NUP153: variants seen among roughly 807,000 people sequenced by gnomAD.
NUP153 encodes the protein nucleoporin 153.
In NUP153, 27 loss-of-function variants were observed where a neutral mutation model predicts 134.6. The observed-to-expected ratio is 0.20, with a 90% CI of 0.15 to 0.28. NUP153 has a LOEUF of 0.28. Ranked by LOEUF, NUP153 falls within the 10% of genes least tolerant of loss-of-function variation. NUP153 has a pLI of 1.00. For synonymous variants in NUP153, 640 were observed against 623.5 expected (o/e 1.03, Z -0.40); for missense variants, 1,821 against 1,731.3 (o/e 1.05, Z -0.92).
chr6:17,675,546 A>T lies in NUP153; in HGVS notation c.559T>A (p.Phe187Ile). 6.2e-7 allele frequency: 1 copy of T among 1,608,156 alleles called. No individual in the cohort carries two copies. Among genetic ancestry groups the T allele is most frequent in the Non-Finnish European group, 8.5e-7 (1 of 1,174,538 alleles). Residue 187 changes from phenylalanine (F) to isoleucine (I), a missense_variant, in exon 3 of 22, where the codon TTT (phenylalanine) becomes ATT (isoleucine). Physicochemically the swap from Phe to Ile is conservative, Grantham distance 21 (BLOSUM62 0). Transcript: ENST00000262077. This position sits in a 1 kb window ranked among gnomAD's most constrained non-coding sequence, Gnocchi z 4.4. ...CCTTTATCAGAAGCTCTTGAAGAAA[A>T]ACCACTGGTAGTTGAGATGTTATCA... is the stretch of plus-strand genomic sequence containing the variant. ...DDDNISTTSG[F>I]SSRASDKDIT... is the part of the protein sequence containing the mutation.
At chr6:17,633,461 T>C (rs558702106) in intron 16 of NUP153, among the ~76,000 whole-genome samples, 1 of 152,308 alleles carries the variant, frequency 6.6e-6, no homozygotes. Context: ...TTAAGCATCA[T>C]AATATACTTG....
chr6:17,638,252 T>C lies in NUP153; in HGVS notation c.1847-482A>G, dbSNP rs1296407091. Among the ~76,000 whole-genome samples the C allele has an allele frequency of 6.6e-6, 1 of 152,226 alleles. No homozygotes were observed. The highest frequency in any genetic ancestry group is 1.5e-5 in the Non-Finnish European group (1 of 68,046). On this transcript the variant is annotated intron_variant, in intron 15 of 21. Coordinates refer to ENST00000262077, the MANE Select transcript of NUP153 (RefSeq NM_005124.4). The surrounding 1 kb of genome is among the most constrained non-coding windows in gnomAD (Gnocchi z 4.0). ...ATTCTCTACCTTCAGTAAAATCAGC[T>C]GAGCAAGTCCTTCTGTTACCAAAAC...
intron 2 of NUP153, among the ~76,000 whole-genome samples, chr6:17,677,142 A>AG (rs1361750578): frequency 6.6e-6 from 1 of 152,222 alleles, no homozygotes; most frequent in Admixed American, 6.5e-5. Flanking sequence ...AAAAAGCCAC[A>AG]GGGGAGACAG....
intron 1 of NUP153, among the ~76,000 whole-genome samples, chr6:17,695,213 A>G (rs1769560525): frequency 6.6e-6 from 1 of 152,230 alleles, no homozygotes; most frequent in Non-Finnish European, 1.5e-5. Context: ...TGTAGTTTAT[A>G]TATCTAGTCA....
At chr6:17,699,646 A>C (rs1481423445) in intron 1 of NUP153, among the ~76,000 whole-genome samples, 2 of 151,604 alleles carry the variant, frequency 1.3e-5, no homozygotes, top group Non-Finnish European at 2.9e-5. Context: ...AGACCACCAC[A>C]CCAACATGGT....
chr6:17,616,432 C>G, intron 21 of NUP153, 95 bp downstream of exon 21: 1 of 1,103,734 alleles, frequency 9.1e-7, no homozygotes, highest in Non-Finnish European at 1.3e-6. Flanking sequence ...TTTACCCAAA[C>G]CATACGGAAT....
rs1329250808 is a variant in NUP153 at position 17,628,406 on chromosome 6, T to G, written c.3544+249A>C. 6.6e-6 allele frequency among the ~76,000 whole-genome samples: 1 copy of G among 152,182 alleles called. No homozygotes were observed. Among genetic ancestry groups the G allele is most frequent in the Non-Finnish European group, 1.5e-5 (1 of 68,032 alleles). On this transcript the variant is annotated intron_variant, in intron 18 of 21. Transcript: ENST00000262077. The surrounding 1 kb of genome is among the most constrained non-coding windows in gnomAD (Gnocchi z 5.4). ...GAGAAAGACACACATAAATATGCACTATATTGAGCTTTGCATTACTGCTGT... is the reference window on the plus strand; with the variant it reads ...GAGAAAGACACACATAAATATGCACGATATTGAGCTTTGCATTACTGCTGT...
chr6:17,619,397 G>A (rs957541927), intron 20 of NUP153: 1 of 152,012 alleles, frequency 6.6e-6, no homozygotes, highest in Admixed American at 6.6e-5. Flanking sequence ...CCCAGGAAAC[G>A]GGTTCCTCTA....
chr6:17,701,142 T>C (rs1294741357), intron 1 of NUP153, among the ~76,000 whole-genome samples: 5 of 151,754 alleles, frequency 3.3e-5, no homozygotes, highest in African/African-American at 7.3e-5. Flanking sequence ...GGAGAGTTGC[T>C]TGAACCCAGG....
intron 2 of NUP153, 84 bp downstream of exon 2, chr6:17,688,312 T>C: frequency 1.0e-6 from 1 of 976,470 alleles, no homozygotes; most frequent in Non-Finnish European, 1.6e-6. Context: ...ACCGCCTGAT[T>C]AGATTTACCA....
intron 15 of NUP153, 144 bp downstream of exon 15, chr6:17,639,794 AT>A (rs1200676676): frequency 3.1e-6 from 2 of 649,912 alleles, no homozygotes; most frequent in Admixed American, 3.5e-5. Context: ...CAGCAAAAGA[AT>A]TACACCTAAC....
intron 20 of NUP153, among the ~76,000 whole-genome samples, chr6:17,620,859 G>C (rs1263132093): frequency 7.2e-5 from 11 of 152,194 alleles, no homozygotes; most frequent in African/African-American, 2.6e-4. Context: ...AACAAAAATA[G>C]ACAAGAGGGA....
chr6:17,642,964 A>G (rs1305721756), intron 14 of NUP153, among the ~76,000 whole-genome samples: 3 of 152,236 alleles, frequency 2.0e-5, no homozygotes, highest in Admixed American at 6.5e-5. Context: ...CATATTCAGA[A>G]TAAGTCAATC....
rs753890229 is a variant in NUP153 at position 17,675,499 on chromosome 6, G to C, written c.583+23C>G. 3 of 1,612,058 alleles carry C rather than the reference G, an allele frequency of 1.9e-6. No homozygotes were observed. The highest frequency in any genetic ancestry group is 2.5e-6 in the Non-Finnish European group (3 of 1,178,344). ...AATTTAATGTTACTACCCAAATTAT[G>C]TACTACCACATGTCAAGAATACCTT... is the stretch of plus-strand genomic sequence containing the variant. On this transcript the variant is annotated intron_variant, in intron 3 of 21. Transcript: ENST00000262077. The surrounding 1 kb of genome is among the most constrained non-coding windows in gnomAD (Gnocchi z 4.4).
chr6:17,620,223 T>C (rs1438510070), intron 20 of NUP153, among the ~76,000 whole-genome samples: 1 of 151,134 alleles, frequency 6.6e-6, no homozygotes, highest in Non-Finnish European at 1.5e-5. Flanking sequence ...GGTATCATAC[T>C]ATCTGACTTC....
chr6:17,639,124 C>A (rs1765709751), intron 15 of NUP153, among the ~76,000 whole-genome samples: 1 of 151,782 alleles, frequency 6.6e-6, no homozygotes, highest in Non-Finnish European at 1.5e-5. Context: ...GTCGCCCAGG[C>A]TGGAGTGCAG....
chr6:17,633,244 T>C (rs190799309), intron 16 of NUP153, among the ~76,000 whole-genome samples: 2 of 152,304 alleles, frequency 1.3e-5, no homozygotes, highest in Non-Finnish European at 2.9e-5. Flanking sequence ...TTCTAAGACA[T>C]AAGATGTAAA....
At chr6:17,698,529 G>A (rs1769814542) in intron 1 of NUP153, among the ~76,000 whole-genome samples, 1 of 152,082 alleles carries the variant, frequency 6.6e-6, no homozygotes, top group South Asian at 2.1e-4. Flanking sequence ...ACAAGGTCAG[G>A]AGATTGAGAC....
At chr6:17,699,915 T>C (rs182844240) in intron 1 of NUP153, among the ~76,000 whole-genome samples, 87 of 152,324 alleles carry the variant, frequency 5.7e-4, no homozygotes, top group African/African-American at 1.9e-3. Flanking sequence ...GATATCTGCC[T>C]TGTCAGGGAC....
Sources: gnomAD v4.1 joint callset for allele counts (sites outside exome capture counted in the v4.1 genomes callset) on GRCh38, gnomAD v4.1.1 for gene constraint, Gnocchi (gnomAD v3.1) non-coding constraint, MANE v1.5 for transcripts, NCBI Gene and HGNC (gene_info 2026-07-23, HGNC 2026-07-21) for gene names.